Variants in UBR3 observed in about 807,000 individuals in gnomAD.
The protein encoded by UBR3 is E3 ubiquitin-protein ligase UBR3.
In UBR3, 85 loss-of-function variants were observed where a neutral mutation model predicts 243.2. The observed-to-expected ratio is 0.35, with a 90% CI of 0.29 to 0.42. The LOEUF (loss-of-function observed/expected upper bound fraction) is 0.42, where lower values mean the gene tolerates loss of function less well. Ranked by LOEUF, UBR3 falls within the 10% of genes least tolerant of loss-of-function variation. The probability of loss-of-function intolerance (pLI) is 1.00; values close to 1 mark genes in which losing one functional copy is unlikely to be tolerated. For missense variants in UBR3, 1,686 were observed against 2,300.8 expected, an observed-to-expected ratio of 0.73 and a Z score of 5.47; for synonymous variants, 748 against 799.8, an observed-to-expected ratio of 0.94 and a Z score of 1.09.
chr2:170,080,100 A>T lies in UBR3; in HGVS notation c.5409+77A>T, dbSNP rs946991981. The T allele has an allele frequency of 7.0e-6, 9 of 1,287,472 alleles. No homozygotes were observed. In the East Asian group the frequency reaches 9.3e-5, roughly 13 times the overall value. 79.8% of individuals were successfully genotyped at this position (1,287,472 alleles called of 1,614,324 possible). A position where few individuals can be genotyped will look rare whatever the true frequency, so the allele number is the denominator to read the frequency against. On this transcript the variant is annotated intron_variant, in intron 37 of 38. Transcript: ENST00000272793. Reference sequence around the variant, plus strand: ...CAAAATATGGTCAAGCCATCTCTTCATATTAACTACTCTTTGAATTAAGTA... The same window carrying T: ...CAAAATATGGTCAAGCCATCTCTTCTTATTAACTACTCTTTGAATTAAGTA...
intron 5 of UBR3, among the ~76,000 whole-genome samples, chr2:169,881,415 G>A (rs2083819054): frequency 6.6e-6 from 1 of 151,912 alleles, no homozygotes; most frequent in Non-Finnish European, 1.5e-5. Context: ...CTGACCTCAG[G>A]TGATCCGCCC....
At chr2:169,846,457 ATC>A (rs1411480203) in intron 1 of UBR3, among the ~76,000 whole-genome samples, 4 of 152,186 alleles carry the variant, frequency 2.6e-5, no homozygotes, top group Admixed American at 1.3e-4. Flanking sequence ...CACGCCTGTA[ATC>A]CCAGCACTTT....
intron 11 of UBR3, among the ~76,000 whole-genome samples, chr2:169,916,056 TG>T (rs983374817): frequency 1.4e-4 from 22 of 152,158 alleles, no homozygotes; most frequent in Non-Finnish European, 1.2e-4. Context: ...ACTTTTAGTG[TG>T]GAACAGTATT....
At chr2:169,876,343 G>A (rs1417483720) in intron 3 of UBR3, among the ~76,000 whole-genome samples, 3 of 152,168 alleles carry the variant, frequency 2.0e-5, no homozygotes, top group Non-Finnish European at 4.4e-5. Context: ...GCCTTCCGAA[G>A]TGCTGGGATT....
In UBR3 at chr2:169,906,043, A is replaced by G. The variant is rs1332794681; in HGVS notation, c.1658A>G (p.Asn553Ser). Residue 553 changes from asparagine to serine, a missense_variant, in exon 10 of 39, where the codon AAC (asparagine) becomes AGC (serine). By Grantham distance (46) the Asn-to-Ser change is conservative. Coordinates refer to ENST00000272793, the MANE Select transcript of UBR3 (RefSeq NM_172070.4). ...FVSFFQGMNLNKRELNEHVEF... is the reference protein window; with the variant it reads ...FVSFFQGMNLSKRELNEHVEF... The stretch of plus-strand genomic sequence containing the variant: ...TAATTTTTGCCAGGTATGAACTTAA[A>G]CAAGCGAGAACTAAACGAGCATGTG... 6.4e-7 allele frequency: 1 copy of G among 1,550,778 alleles called. No homozygotes were observed. The highest frequency in any genetic ancestry group is 2.4e-5 in the East Asian group (1 of 40,890).
At chr2:170,040,406 G>GAA (rs1466471665) in intron 31 of UBR3, among the ~76,000 whole-genome samples, 2 of 152,048 alleles carry the variant, frequency 1.3e-5, no homozygotes, top group Non-Finnish European at 2.9e-5. Flanking sequence ...GTGCTCGGCT[G>GAA]AAACATTTTA....
At position 169,848,811 on chromosome 2, in the gene UBR3, T is replaced by C. The variant is rs538844684; in HGVS notation, c.545+20759T>C. 7.6e-4 allele frequency among the ~76,000 whole-genome samples: 115 copies of C among 152,092 alleles called. 1 individual carries two copies. The Middle Eastern group carries it at 0.017, about 23-fold the overall frequency. ...TCTGCCTCCCAGGTTCAAGTGATTT[T>C]CCTGTTTCAACCTCCTGAGTAGCTG... On this transcript the variant is annotated intron_variant, in intron 1 of 38. Coordinates refer to ENST00000272793, the MANE Select transcript of UBR3 (RefSeq NM_172070.4).
intron 28 of UBR3, among the ~76,000 whole-genome samples, chr2:170,007,560 C>A (rs2105405035): frequency 6.6e-6 from 1 of 152,170 alleles, no homozygotes; most frequent in East Asian, 1.9e-4. Flanking sequence ...GAGTTTGAGA[C>A]CAGCCTGGCC....
rs560601933 is a variant in UBR3, at chr2:170,033,628, T to A, written c.4556+4180T>A. ...GCTCTCATTTTTATGGTTCGTTTAT[T>A]CATTAAGTTGTAATATAAGAGTTGA... On this transcript the variant is annotated intron_variant, in intron 31 of 38. Transcript: ENST00000272793. Among the ~76,000 whole-genome samples, 5 of 134,824 alleles carry A rather than the reference T, an allele frequency of 3.7e-5. No homozygotes were observed. The South Asian group carries it at 1.0e-3, about 28-fold the overall frequency. 88.4% of individuals were successfully genotyped at this position (134,824 alleles called of 152,430 possible).
At chr2:169,971,924 A>C (rs1445474062) in intron 24 of UBR3, among the ~76,000 whole-genome samples, 2 of 152,190 alleles carry the variant, frequency 1.3e-5, no homozygotes, top group African/African-American at 4.8e-5. Context: ...TCAGAGCAGA[A>C]CTGAAGGAAA....
At chr2:169,996,696 T>TTTG (rs1420612724) in intron 26 of UBR3, among the ~76,000 whole-genome samples, 2 of 145,730 alleles carry the variant, frequency 1.4e-5, no homozygotes, top group African/African-American at 2.5e-5. Context: ...GACTTTTGTT[T>TTTG]TTTTTTTTTT....
At chr2:169,940,827 C>T (rs986587239) in intron 19 of UBR3, among the ~76,000 whole-genome samples, 6 of 151,844 alleles carry the variant, frequency 4.0e-5, no homozygotes, top group African/African-American at 7.3e-5. Flanking sequence ...AATGGCTGTC[C>T]GAAAATATTA....
chr2:169,852,618 G>A (rs970026983), intron 1 of UBR3, among the ~76,000 whole-genome samples: 3 of 151,632 alleles, frequency 2.0e-5, no homozygotes, highest in African/African-American at 4.8e-5. Context: ...CAACGCAGGC[G>A]GATCACTTGA....
At chr2:169,913,964 T>G (rs1214940395) in intron 10 of UBR3, 96 bp from the exon 11 acceptor site, 3 of 484,058 alleles carry the variant, frequency 6.2e-6, no homozygotes, top group African/African-American at 2.0e-5. Flanking sequence ...ATTTTACCAT[T>G]TTATATATAC....
At chr2:170,053,529 A>G (rs1027996711) in intron 32 of UBR3, among the ~76,000 whole-genome samples, 8 of 152,174 alleles carry the variant, frequency 5.3e-5, no homozygotes, top group African/African-American at 2.4e-5. Context: ...TTTTGCAGTC[A>G]TAAGTCATAA....
chr2:170,044,682 C>T (rs1435350901), intron 32 of UBR3, among the ~76,000 whole-genome samples: 1 of 152,064 alleles, frequency 6.6e-6, no homozygotes, highest in African/African-American at 2.4e-5. Context: ...TAAGATACTA[C>T]TTGTTTTTCT....
chr2:170,077,951 T>C (rs2091844577), intron 36 of UBR3: 5 of 562,980 alleles, frequency 8.9e-6, no homozygotes, highest in East Asian at 3.9e-5. Flanking sequence ...AGAGGGACTT[T>C]CCATTTTCCT....
At chr2:169,881,937 TATAATTACATATGTATGTATAC>T (rs1198115958) in intron 5 of UBR3, among the ~76,000 whole-genome samples, 2 of 120,356 alleles carry the variant, frequency 1.7e-5, no homozygotes, top group African/African-American at 6.0e-5. Context: ...ATACATATAA[TATAATTACATATGTATGTATAC>T]ATACATATGT....
At chr2:169,935,120 A>T (rs2086276439) in intron 19 of UBR3, among the ~76,000 whole-genome samples, 1 of 152,236 alleles carries the variant, frequency 6.6e-6, no homozygotes, top group Admixed American at 6.5e-5. Context: ...TATTTTATAT[A>T]TGAAGACATT....
Sources: allele counts gnomAD v4.1 joint callset (sites outside exome capture counted in the v4.1 genomes callset), GRCh38; gene constraint gnomAD v4.1.1; transcripts MANE v1.5; gene names NCBI Gene and HGNC (gene_info 2026-07-23, HGNC 2026-07-21).